Variants in TCF7L2 observed in about 807,000 individuals in gnomAD.
TCF7L2 encodes transcription factor 7 like 2.
Under a neutral mutation model 77.9 loss-of-function variants are expected in TCF7L2, and 23 were observed. The ratio of observed to expected loss-of-function variants is 0.30; its 90% CI spans 0.21 to 0.42. The LOEUF (loss-of-function observed/expected upper bound fraction) is 0.42. Among genes scored for constraint, TCF7L2 ranks in the 10% least tolerant of loss-of-function variants. The pLI is 1.00. For missense variants in TCF7L2, 654 were observed against 793.1 expected (o/e 0.82, Z 2.11); for synonymous variants, 413 against 340.2 (o/e 1.21, Z -2.36).
intron 5 of TCF7L2, among the ~76,000 whole-genome samples, chr10:113,118,517 G>GT (rs1591934350): frequency 2.3e-5 from 3 of 130,760 alleles, no homozygotes; most frequent in Admixed American, 7.3e-5. Flanking sequence ...TGGTCATCTG[G>GT]GGGGTGTGTG....
chr10:112,951,379 C>G, intron 2 of TCF7L2, 104 bp from the exon 3 acceptor site: 1 of 1,134,246 alleles, frequency 8.8e-7, no homozygotes, highest in Non-Finnish European at 1.1e-6. Context: ...TGCGCCGGCC[C>G]GGTCGGGGCG....
chr10:112,995,683 T>C (rs2043339002), intron 4 of TCF7L2, among the ~76,000 whole-genome samples: 1 of 152,156 alleles, frequency 6.6e-6, no homozygotes, highest in Non-Finnish European at 1.5e-5. Flanking sequence ...TTGGTTAAAT[T>C]AGCCTAAAGG....
chr10:112,958,987 C>G, intron 3 of TCF7L2, among the ~76,000 whole-genome samples: 1 of 152,088 alleles, frequency 6.6e-6, no homozygotes, highest in African/African-American at 2.4e-5. Context: ...GCACTTCAGC[C>G]CACGTGTTTT....
intron 5 of TCF7L2, among the ~76,000 whole-genome samples, chr10:113,130,887 T>C (rs998223985): frequency 6.6e-6 from 1 of 152,080 alleles, no homozygotes; most frequent in Non-Finnish European, 1.5e-5. Flanking sequence ...TGCCTCAGCT[T>C]CCTGAGTAGC....
chr10:113,114,932 C>T (rs1238779552), intron 5 of TCF7L2, among the ~76,000 whole-genome samples: 1 of 152,120 alleles, frequency 6.6e-6, no homozygotes, highest in Non-Finnish European at 1.5e-5. Context: ...TAGGTACCGT[C>T]CAGTAAATCT....
chr10:112,993,890 A>G (rs1463029164), intron 4 of TCF7L2, among the ~76,000 whole-genome samples: 1 of 152,096 alleles, frequency 6.6e-6, no homozygotes, highest in East Asian at 1.9e-4. Context: ...CTCCATCTCT[A>G]CTAAAAATAC....
chr10:113,019,851 G>A (rs2047998072), intron 4 of TCF7L2, among the ~76,000 whole-genome samples: 1 of 151,470 alleles, frequency 6.6e-6, no homozygotes, highest in Admixed American at 6.6e-5. Context: ...GCCCCTTAAC[G>A]AAAAGTAAAC....
Position 113,167,380 on chromosome 10 carries a change from C to G in TCF7L2, c.*1408C>G, listed in dbSNP as rs1382734245. ...AAAAAACCTAGGCATGTTGATGTTG[C>G]AAAATGCTGTATAAAGCTGAAACCT... On this transcript the variant is annotated 3_prime_UTR_variant, in exon 14 of 14. Coordinates refer to ENST00000627217, the MANE Select transcript of TCF7L2 (RefSeq NM_001146274.2). 2 of 226,104 alleles carry G rather than the reference C, an allele frequency of 8.8e-6. No individual in the cohort carries two copies. Among genetic ancestry groups the G allele is most frequent in the African/African-American group, 4.5e-5 (2 of 44,912 alleles). 14.0% of individuals were successfully genotyped at this position (226,104 alleles called of 1,614,324 possible). A position where few individuals can be genotyped will look rare whatever the true frequency, so the allele number is the denominator to read the frequency against.
intron 5 of TCF7L2, among the ~76,000 whole-genome samples, chr10:113,083,104 T>C (rs1343841455): frequency 6.6e-6 from 1 of 152,090 alleles, no homozygotes; most frequent in Non-Finnish European, 1.5e-5. Flanking sequence ...CTGCATGCCT[T>C]GAGTGCAGAG....
At chr10:113,010,905 A>G (rs2046349073) in intron 4 of TCF7L2, among the ~76,000 whole-genome samples, 1 of 152,168 alleles carries the variant, frequency 6.6e-6, no homozygotes, top group Admixed American at 6.5e-5. Flanking sequence ...AGTCTCAGCT[A>G]CTTGAGAGGC....
Position 113,166,365 on chromosome 10 carries a change from T to C in TCF7L2, c.*393T>C, listed in dbSNP as rs2074040178. ...CCCTCCAGAAGGAGTTGGTTCTGTA[T>C]TATTTGTATTAAATACGAGCTTGCG... On this transcript the variant is annotated 3_prime_UTR_variant, in exon 14 of 14. Transcript: ENST00000627217. The C allele has an allele frequency of 4.3e-6, 1 of 232,970 alleles. No homozygotes were observed. Among genetic ancestry groups the C allele is most frequent in the South Asian group, 1.8e-4 (1 of 5,524 alleles). The allele number at this position is 232,970 out of a possible 1,614,324, so 14.4% of individuals were successfully genotyped here.
At chr10:113,054,852 A>G (rs1373951680) in intron 5 of TCF7L2, among the ~76,000 whole-genome samples, 2 of 151,406 alleles carry the variant, frequency 1.3e-5, no homozygotes, top group Non-Finnish European at 2.9e-5. Context: ...TTTTATTTTT[A>G]TTTTTTTCTT....
intron 4 of TCF7L2, among the ~76,000 whole-genome samples, chr10:113,000,872 C>T (rs977196118): frequency 8.5e-5 from 13 of 152,138 alleles, no homozygotes. Flanking sequence ...TGGTTGGGTC[C>T]TATTTCTTCT....
chr10:113,077,269 A>G (rs1017423246), intron 5 of TCF7L2, among the ~76,000 whole-genome samples: 3 of 152,248 alleles, frequency 2.0e-5, no homozygotes, highest in Admixed American at 2.0e-4. Context: ...TCAAAATTAA[A>G]ATACAAAGCA....
intron 13 of TCF7L2, among the ~76,000 whole-genome samples, chr10:113,163,057 A>G (rs1199734632): frequency 1.3e-5 from 2 of 151,640 alleles, no homozygotes. Context: ...CAACCGAGGC[A>G]TTTTCTGACT....
chr10:113,029,498 T>C (rs917048704), intron 4 of TCF7L2, among the ~76,000 whole-genome samples: 18 of 151,888 alleles, frequency 1.2e-4, no homozygotes, highest in Admixed American at 6.6e-5. Context: ...TGTGTGTGTA[T>C]GTGACTCTGT....
chr10:112,953,441 C>G (rs930549695), intron 3 of TCF7L2, among the ~76,000 whole-genome samples: 2 of 152,128 alleles, frequency 1.3e-5, no homozygotes, highest in African/African-American at 4.8e-5. Flanking sequence ...GACCGTTCGG[C>G]TCAGAATCGC....
At chr10:113,050,663 C>A (rs539585901) in intron 5 of TCF7L2, among the ~76,000 whole-genome samples, 17 of 152,222 alleles carry the variant, frequency 1.1e-4, no homozygotes, top group African/African-American at 4.1e-4. Flanking sequence ...GAGGTAGCAG[C>A]CCCCTTCAGC....
intron 4 of TCF7L2, among the ~76,000 whole-genome samples, chr10:113,011,338 G>A (rs1422783013): frequency 1.3e-5 from 2 of 152,172 alleles, no homozygotes; most frequent in African/African-American, 2.4e-5. Context: ...GAGATCTGGT[G>A]GTAGTGGGGG....
Sources: gnomAD v4.1 joint callset for allele counts (sites outside exome capture counted in the v4.1 genomes callset) on GRCh38, gnomAD v4.1.1 for gene constraint, MANE v1.5 for transcripts, NCBI Gene and HGNC (gene_info 2026-07-23, HGNC 2026-07-21) for gene names.